CKAP2L: variants seen among roughly 807,000 people sequenced by gnomAD.
CKAP2L encodes cytoskeleton associated protein 2L.
Under a neutral mutation model 65.7 loss-of-function variants are expected in CKAP2L, and 42 were observed. The observed-to-expected ratio is 0.64, with a 90% CI of 0.50 to 0.83. CKAP2L has a LOEUF of 0.83. Among genes scored for constraint, CKAP2L ranks in the 40% least tolerant of loss-of-function variants. CKAP2L has a pLI of 0.00. For missense variants in CKAP2L, 908 were observed against 871.0 expected (o/e 1.04, Z -0.53); for synonymous variants, 325 against 313.5 (o/e 1.04, Z -0.39).
intron 4 of CKAP2L, 98 bp downstream of exon 4, chr2:112,755,879 G>T: frequency 1.8e-6 from 2 of 1,131,950 alleles, no homozygotes; most frequent in Non-Finnish European, 2.5e-6. Context: ...AATTACTTAG[G>T]AGCCATTATT....
intron 5 of CKAP2L, 76 bp downstream of exon 5, chr2:112,752,186 CTCCTA>C: frequency 1.0e-6 from 1 of 969,998 alleles, no homozygotes; most frequent in Non-Finnish European, 1.6e-6. Flanking sequence ...AAGGCTATCT[CTCCTA>C]TATTATATTT....
intron 2 of CKAP2L, 99 bp downstream of exon 2, chr2:112,762,404 A>G: frequency 1.1e-6 from 1 of 873,208 alleles, no homozygotes; most frequent in Admixed American, 1.9e-5. Flanking sequence ...GTGCAGTCTG[A>G]GTAGACTCTA....
rs1456457613 is a variant in CKAP2L at position 112,737,128 on chromosome 2, T to C, written c.*1695A>G. On this transcript the variant is annotated 3_prime_UTR_variant, in exon 9 of 9. Coordinates refer to ENST00000302450, the MANE Select transcript of CKAP2L (RefSeq NM_152515.5). Reference sequence around the variant, plus strand: ...TTTTAGTAGAGACGGGGTTTCACCATGTTGGTCAAGCTGGTCTTGAACTCC... The same window carrying C: ...TTTTAGTAGAGACGGGGTTTCACCACGTTGGTCAAGCTGGTCTTGAACTCC... 1 of 152,168 alleles carries C rather than the reference T, an allele frequency of 6.6e-6. No homozygotes were observed. Among genetic ancestry groups the C allele is most frequent in the African/African-American group, 2.4e-5 (1 of 41,414 alleles). 9.4% of individuals were successfully genotyped at this position (152,168 alleles called of 1,614,324 possible).
At chr2:112,751,052 A>C (rs1415976205) in intron 5 of CKAP2L, among the ~76,000 whole-genome samples, 3 of 152,160 alleles carry the variant, frequency 2.0e-5, no homozygotes, top group Non-Finnish European at 4.4e-5. Context: ...TGAACTCTAG[A>C]ACAATGACCC....
chr2:112,739,681 G>C (rs1472318371), intron 8 of CKAP2L, among the ~76,000 whole-genome samples: 1 of 152,160 alleles, frequency 6.6e-6, no homozygotes, highest in South Asian at 2.1e-4. Flanking sequence ...TAAAGACAGG[G>C]TCTCACTCTG....
chr2:112,745,952 A>G (rs1164095971), intron 6 of CKAP2L, among the ~76,000 whole-genome samples: 1 of 152,160 alleles, frequency 6.6e-6, no homozygotes, highest in Non-Finnish European at 1.5e-5. Context: ...ATAAAAATAA[A>G]TCAGTTTGCT....
chr2:112,764,538 A>C (rs1277467992), intron 1 of CKAP2L, 24 bp downstream of exon 1: 1 of 1,613,724 alleles, frequency 6.2e-7, no homozygotes. Context: ...GCCTGAGAAT[A>C]ACGGGAACAG....
chr2:112,741,180 A>G (rs1228229180), intron 7 of CKAP2L, among the ~76,000 whole-genome samples, 173 bp from the exon 8 acceptor site: 2 of 152,120 alleles, frequency 1.3e-5, no homozygotes, highest in African/African-American at 4.8e-5. Context: ...TTTTCACGTT[A>G]AGCTCTGTAG....
Position 112,756,649 on chromosome 2 carries a change from A to C in CKAP2L, c.722T>G (p.Val241Gly), listed in dbSNP as rs1158505647. Residue 241 changes from valine to glycine, a missense_variant, in exon 4 of 9, where the codon GTT (valine) becomes GGT (glycine). Val to Gly is a moderately radical substitution (Grantham distance 109). Transcript: ENST00000302450. The stretch of plus-strand genomic sequence containing the variant: ...TGTTTCTCCAACAAATTGTTTATTA[A>C]CCCTATCTTTCAGAACAGCACTATT... ...SVNSAVLKDR[V>G]NKQFVGETQS... The C allele has an allele frequency of 1.2e-6, 2 of 1,608,022 alleles. No individual in the cohort carries two copies. Among genetic ancestry groups the C allele is most frequent in the South Asian group, 2.2e-5 (2 of 89,800 alleles).
At chr2:112,752,613 A>C (rs1240869651) in intron 4 of CKAP2L, 139 bp from the exon 5 acceptor site, 1 of 636,556 alleles carries the variant, frequency 1.6e-6, no homozygotes. Context: ...ATTAAAAAAC[A>C]ATTTACAAAT....
At chr2:112,747,596 T>C (rs908139862) in intron 5 of CKAP2L, among the ~76,000 whole-genome samples, 7 of 152,176 alleles carry the variant, frequency 4.6e-5, no homozygotes, top group Non-Finnish European at 1.0e-4. Flanking sequence ...GGTTCCCTTC[T>C]GGCTTGTGCC....
In CKAP2L at chr2:112,740,967, T is replaced by C. The variant is rs1193787725; in HGVS notation, c.1863A>G (p.Thr621=). ...SDSLVAETSI[T]SVEELAKKME... is the part of the protein sequence containing the mutation. The stretch of plus-strand genomic sequence containing the variant: ...TCTTCTTGGCCAGCTCTTCCACTGA[T>C]GTTATACTAGTTTCAGCAACTAAAG... Residue 621 remains threonine (T), a synonymous_variant, in exon 8 of 9, where the codon ACA becomes ACG. Coordinates refer to ENST00000302450, the MANE Select transcript of CKAP2L (RefSeq NM_152515.5). The C allele has an allele frequency of 1.2e-6, 2 of 1,613,744 alleles. No individual in the cohort carries two copies. The highest frequency in any genetic ancestry group is 1.7e-6 in the Non-Finnish European group (2 of 1,179,800).
chr2:112,762,403 G>A (rs1680751877), intron 2 of CKAP2L, 100 bp downstream of exon 2: 2 of 868,662 alleles, frequency 2.3e-6, no homozygotes, highest in Non-Finnish European at 3.9e-6. Flanking sequence ...AGTGCAGTCT[G>A]AGTAGACTCT....
chr2:112,739,152 C>T, intron 8 of CKAP2L, 104 bp from the exon 9 acceptor site: 1 of 892,954 alleles, frequency 1.1e-6, no homozygotes, highest in South Asian at 1.7e-5. Context: ...GACATTTTAA[C>T]ATAGGGTGAT....
chr2:112,753,741 C>T (rs543490925), intron 4 of CKAP2L, among the ~76,000 whole-genome samples: 96 of 151,916 alleles, frequency 6.3e-4, no homozygotes, highest in African/African-American at 2.2e-3. Flanking sequence ...TTGGCTAAAC[C>T]GGTCTCAAAC....
chr2:112,759,360 AGT>A (rs1015099045), intron 3 of CKAP2L, among the ~76,000 whole-genome samples: 81 of 152,354 alleles, frequency 5.3e-4, no homozygotes, highest in African/African-American at 1.8e-3. Flanking sequence ...ATGTATCGAA[AGT>A]GTTATATAAA....
At chr2:112,752,046 T>C (rs563091480) in intron 5 of CKAP2L, among the ~76,000 whole-genome samples, 18 of 152,204 alleles carry the variant, frequency 1.2e-4, no homozygotes, top group Non-Finnish European at 2.4e-4. Context: ...ACAGTGGTTA[T>C]GATAATTATG....
At chr2:112,761,395 A>G (rs192568997) in intron 2 of CKAP2L, among the ~76,000 whole-genome samples, 386 of 144,436 alleles carry the variant, frequency 2.7e-3, no homozygotes, top group African/African-American at 9.7e-3. Flanking sequence ...TGGGAGGCAG[A>G]GCTTGCAGTG....
chr2:112,755,391 C>T (rs374334963), intron 4 of CKAP2L, among the ~76,000 whole-genome samples: 8 of 152,138 alleles, frequency 5.3e-5, no homozygotes, highest in South Asian at 4.1e-4. Flanking sequence ...CCGCTCACCT[C>T]GGCCTCCCAA....
Sources: allele counts gnomAD v4.1 joint callset (sites outside exome capture counted in the v4.1 genomes callset), GRCh38; gene constraint gnomAD v4.1.1; transcripts MANE v1.5; gene names NCBI Gene and HGNC (gene_info 2026-07-23, HGNC 2026-07-21).